Variants in C5 observed in about 807,000 individuals in gnomAD.
C5 encodes complement C5.
Under a neutral mutation model 218.8 loss-of-function variants are expected in C5, and 140 were observed. The ratio of observed to expected loss-of-function variants is 0.64; its 90% CI spans 0.56 to 0.74. C5 has a LOEUF of 0.74. Among genes scored for constraint, C5 ranks in the 30% least tolerant of loss-of-function variants. C5 has a pLI of 0.00. For synonymous variants in C5, 614 were observed against 682.3 expected, an observed-to-expected ratio of 0.90 and a Z score of 1.56; for missense variants, 1,700 against 1,969.6, an observed-to-expected ratio of 0.86 and a Z score of 2.59.
chr9:121,037,818 T>C (rs2047541522), intron 4 of C5, 63 bp downstream of exon 4: 4 of 751,728 alleles, frequency 5.3e-6, no homozygotes, highest in Admixed American at 4.5e-5. Context: ...GACAGGGTTA[T>C]GAAATGAGAT....
intron 20 of C5, among the ~76,000 whole-genome samples, chr9:121,002,331 TATATATATATAC>T (rs1564146813): frequency 8.0e-4 from 93 of 116,644 alleles, no homozygotes; most frequent in African/African-American, 2.7e-3. Context: ...TATATATATA[TATATATATATAC>T]ACACATACCT....
At position 121,049,691 on chromosome 9, in the gene C5, C is replaced by T. The variant is rs530293925; in HGVS notation, c.65+491G>A. 2.0e-5 allele frequency among the ~76,000 whole-genome samples: 3 copies of T among 152,168 alleles called. No individual in the cohort carries two copies. The East Asian group carries it at 5.8e-4, about 29-fold the overall frequency. On this transcript the variant is annotated intron_variant, in intron 1 of 40. Coordinates refer to ENST00000223642, the MANE Select transcript of C5 (RefSeq NM_001735.3). ...AGATATAAGATCATTATTTTTAAAA[C>T]ATTACTTAAAATGCATATTATCTCA...
intron 20 of C5, among the ~76,000 whole-genome samples, chr9:121,002,244 GTATATATATGTATATATGTA>G (rs749653383): frequency 0.13 from 5,950 of 44,916 alleles, 216 homozygotes; most frequent in East Asian, 0.23. Context: ...ATATGTATAT[GTATATATATGTATATATGTA>G]TATATATGTA....
chr9:120,966,641 C>T (rs2046870024), intron 33 of C5, among the ~76,000 whole-genome samples: 2 of 152,122 alleles, frequency 1.3e-5, no homozygotes, highest in African/African-American at 2.4e-5. Context: ...CATGCTCCTC[C>T]CCAGCTGGTA....
At chr9:121,009,098 G>T (rs1018963495) in intron 17 of C5, among the ~76,000 whole-genome samples, 1 of 151,990 alleles carries the variant, frequency 6.6e-6, no homozygotes, top group African/African-American at 2.4e-5. Context: ...AAAGTTATTT[G>T]CACTTATATA....
At chr9:121,072,537 T>C in the C5 span, among the ~76,000 whole-genome samples, 1 of 152,080 alleles carries the variant, frequency 6.6e-6, no homozygotes, top group Admixed American at 6.5e-5. Flanking sequence ...CAGGGCGCGG[T>C]GGCTCACGCC....
At chr9:120,971,495 G>A (rs1449323845) in intron 31 of C5, among the ~76,000 whole-genome samples, 1 of 152,152 alleles carries the variant, frequency 6.6e-6, no homozygotes, top group Non-Finnish European at 1.5e-5. Flanking sequence ...CTGCAGTGCA[G>A]TTGTGCCATC....
intron 20 of C5, among the ~76,000 whole-genome samples, chr9:121,002,316 G>GTGTGTGTGTGTATATATATATA (rs572345213): frequency 0.033 from 2,909 of 86,916 alleles, 354 homozygotes; most frequent in South Asian, 0.071. Flanking sequence ...ATATGTGTGT[G>GTGTGTGTGTGTATATATATATA]TATATATATA....
chr9:120,989,676 C>A lies in C5; in HGVS notation c.3046G>T (p.Val1016Phe). 1 of 1,613,566 alleles carries A rather than the reference C, an allele frequency of 6.2e-7. No homozygotes were observed. The highest frequency in any genetic ancestry group is 8.5e-7 in the Non-Finnish European group (1 of 1,179,700). ...GSAEAELMSVVPVFYVFHYLE... is the reference protein window; with the variant it reads ...GSAEAELMSVFPVFYVFHYLE... ...TAGTGAAAAACATAGAATACTGGGACAACGCTCATCAGCTCCGCCTCTGCA... is the reference window on the plus strand; with the variant it reads ...TAGTGAAAAACATAGAATACTGGGAAAACGCTCATCAGCTCCGCCTCTGCA... Residue 1016 changes from valine to phenylalanine, a missense_variant, in exon 24 of 41, where the codon GTC (valine) becomes TTC (phenylalanine). Physicochemically the swap from Val to Phe is conservative, Grantham distance 50. Coordinates refer to ENST00000223642, the MANE Select transcript of C5 (RefSeq NM_001735.3).
chr9:121,011,349 C>T (rs2047260465), intron 17 of C5, among the ~76,000 whole-genome samples: 1 of 152,068 alleles, frequency 6.6e-6, no homozygotes, highest in Non-Finnish European at 1.5e-5. Context: ...AGAAGACATA[C>T]AAATGGCAAA....
At chr9:121,007,019 G>C in intron 18 of C5, 42 bp from the exon 19 acceptor site, 1 of 1,424,136 alleles carries the variant, frequency 7.0e-7, no homozygotes, top group Non-Finnish European at 9.9e-7. Flanking sequence ...GTGGAATATT[G>C]ATTAACCCAA....
intron 29 of C5, among the ~76,000 whole-genome samples, chr9:120,976,250 T>C (rs764474676): frequency 2.0e-5 from 3 of 152,204 alleles, no homozygotes; most frequent in Non-Finnish European, 4.4e-5. Flanking sequence ...CTCAAATGAG[T>C]TTACATTAAA....
chr9:121,067,289 G>A, the C5 span, among the ~76,000 whole-genome samples: 18 of 151,896 alleles, frequency 1.2e-4, no homozygotes, highest in East Asian at 3.5e-3. Flanking sequence ...TAGGCAGGGC[G>A]CGGTGGCTCA....
intron 17 of C5, among the ~76,000 whole-genome samples, chr9:121,008,742 C>T (rs924655415): frequency 5.3e-5 from 8 of 152,046 alleles, no homozygotes; most frequent in African/African-American, 1.9e-4. Context: ...TCAGCCTGGC[C>T]AACATGTTGA....
upstream of C5, among the ~76,000 whole-genome samples, chr9:121,054,020 G>A (rs1554726798): frequency 6.6e-6 from 1 of 151,874 alleles, no homozygotes; most frequent in Non-Finnish European, 1.5e-5. Context: ...CCCCCAACTT[G>A]CCCCCTATTG....
intron 20 of C5, among the ~76,000 whole-genome samples, chr9:120,998,190 ATCCCT>A (rs1228736953): frequency 2.0e-5 from 3 of 152,210 alleles, no homozygotes; most frequent in African/African-American, 7.2e-5. Flanking sequence ...TGTTAAAATA[ATCCCT>A]TAGATTCTAA....
upstream of C5, among the ~76,000 whole-genome samples, chr9:121,050,662 A>G (rs2047665191): frequency 6.6e-6 from 1 of 152,174 alleles, no homozygotes. Flanking sequence ...ACTCAGTTTC[A>G]CACTGAAATG....
upstream of C5, among the ~76,000 whole-genome samples, chr9:121,051,324 G>A (rs763458339): frequency 5.3e-5 from 8 of 151,886 alleles, no homozygotes; most frequent in South Asian, 2.1e-4. Context: ...GGGTTTCACC[G>A]TGTTGGCCAG....
At chr9:121,002,488 A>C (rs2047181205) in intron 20 of C5, among the ~76,000 whole-genome samples, 1 of 151,470 alleles carries the variant, frequency 6.6e-6, no homozygotes, top group African/African-American at 2.4e-5. Context: ...TTATGTGTCT[A>C]TCTCAAATTA....
Sources: gnomAD v4.1 joint callset for allele counts (sites outside exome capture counted in the v4.1 genomes callset) on GRCh38, gnomAD v4.1.1 for gene constraint, MANE v1.5 for transcripts, NCBI Gene and HGNC (gene_info 2026-07-23, HGNC 2026-07-21) for gene names.